The following CFAP46 variants were observed in gnomAD, a reference collection of about 807,000 sequenced individuals.
CFAP46 encodes the protein cilia and flagella associated protein 46, also known as cilia- and flagella-associated protein 46.
Under a neutral mutation model 325.7 loss-of-function variants are expected in CFAP46, and 245 were observed. That is an observed-to-expected ratio of 0.75 (90% CI 0.68 to 0.84). CFAP46 has a LOEUF of 0.84. Ranked by LOEUF, CFAP46 falls within the 40% of genes least tolerant of loss-of-function variation. CFAP46 has a pLI of 0.00. For missense variants in CFAP46, 3,346 were observed against 3,543.0 expected, an observed-to-expected ratio of 0.94 and a Z score of 1.41; for synonymous variants, 1,523 against 1,495.9, an observed-to-expected ratio of 1.02 and a Z score of -0.42.
chr10:132,823,155 G>GA (rs1847923703), intron 50 of CFAP46, among the ~76,000 whole-genome samples: 1 of 128,108 alleles, frequency 7.8e-6, no homozygotes, highest in African/African-American at 3.0e-5. Context: ...GATGTGTGCT[G>GA]TGTGAGTGAT....
chr10:132,885,043 G>T lies in CFAP46; in HGVS notation c.3627+60C>A, dbSNP rs997218916. On this transcript the variant is annotated intron_variant, in intron 27 of 57. Coordinates refer to ENST00000368586, the MANE Select transcript of CFAP46 (RefSeq NM_001200049.3). ...TCCCTGCTGAGCTTCTGTCCACACG[G>T]TTCTCCCTTTCACTAAAGGACAAAT... is the stretch of plus-strand genomic sequence containing the variant. 3.4e-6 allele frequency: 5 copies of T among 1,488,400 alleles called. No individual in the cohort carries two copies. The South Asian group carries it at 5.4e-5, about 16-fold the overall frequency. The allele number at this position is 1,488,400 out of a possible 1,614,324, so 92.2% of individuals were successfully genotyped here. A position where few individuals can be genotyped will look rare whatever the true frequency, so the allele number is the denominator to read the frequency against.
In CFAP46 at chr10:132,919,481, A is replaced by G; in HGVS notation, c.1731-39T>C. The G allele has an allele frequency of 6.6e-7, 1 of 1,522,438 alleles. No homozygotes were observed. Among genetic ancestry groups the G allele is most frequent in the Non-Finnish European group, 8.8e-7 (1 of 1,132,228 alleles). 94.3% of individuals were successfully genotyped at this position (1,522,438 alleles called of 1,614,324 possible). A position where few individuals can be genotyped will look rare whatever the true frequency, so the allele number is the denominator to read the frequency against. ...ACCCAAACGAGTGAAAGGTGAGTAG[A>G]CAAGTGTGGTTGCTGAAGTTAGAAA... On this transcript the variant is annotated intron_variant, in intron 14 of 57. Transcript: ENST00000368586. The surrounding 1 kb of genome is among the most constrained non-coding windows in gnomAD (Gnocchi z 9.7).
At chr10:132,881,091 G>A (rs141962261) in intron 27 of CFAP46, 59 bp from the exon 28 acceptor site, 16,583 of 1,433,848 alleles carry the variant, frequency 0.012, 200 homozygotes, top group Middle Eastern at 0.055. Flanking sequence ...CGTTCCTGAC[G>A]CAGTGGAATA....
chr10:132,825,125 G>A (rs1048171311), intron 50 of CFAP46, among the ~76,000 whole-genome samples: 1 of 143,942 alleles, frequency 6.9e-6, no homozygotes, highest in Non-Finnish European at 1.5e-5. Flanking sequence ...TGTGTGCACT[G>A]TGTGCTGTGT....
In CFAP46 at chr10:132,879,432, G is replaced by A. The variant is rs1314650425; in HGVS notation, c.3999C>T (p.Ile1333=). The A allele has an allele frequency of 2.0e-6, 3 of 1,519,844 alleles. No individual in the cohort carries two copies. The highest frequency in any genetic ancestry group is 2.1e-5 in the Admixed American group (1 of 48,504). The allele number at this position is 1,519,844 out of a possible 1,614,324, so 94.1% of individuals were successfully genotyped here. A position where few individuals can be genotyped will look rare whatever the true frequency, so the allele number is the denominator to read the frequency against. ...CLAAYAFFRH[I]WQVSLMTAGK... ...AGTCTGCGCTGGGCCTCACCTGCCA[G>A]ATGTGCCTGAAGAAGGCGTAGGCTG... is the stretch of plus-strand genomic sequence containing the variant. The change falls in exon 29 of 58, where the codon ATC becomes ATT. Residue 1333 remains isoleucine (I), a synonymous_variant. Transcript: ENST00000368586.
intron 22 of CFAP46, among the ~76,000 whole-genome samples, chr10:132,907,486 C>T (rs756842342): frequency 2.0e-5 from 3 of 152,176 alleles, no homozygotes; most frequent in Non-Finnish European, 4.4e-5. Context: ...GGAGAGTGAG[C>T]GAGGGACCCA....
At chr10:132,823,176 T>C (rs1455453881) in intron 50 of CFAP46, among the ~76,000 whole-genome samples, 1 of 85,722 alleles carries the variant, frequency 1.2e-5, no homozygotes, top group Non-Finnish European at 2.6e-5. Flanking sequence ...GTGTGCTGTC[T>C]GTGCGCTGTG....
chr10:132,909,078 G>C, intron 21 of CFAP46, 59 bp downstream of exon 21: 1 of 1,283,344 alleles, frequency 7.8e-7, no homozygotes, highest in South Asian at 1.3e-5. Flanking sequence ...CCTAGGGCAA[G>C]AGCCTCGGCG....
intron 50 of CFAP46, among the ~76,000 whole-genome samples, chr10:132,821,570 GCGC>G (rs1847830463): frequency 7.2e-6 from 1 of 138,454 alleles, no homozygotes; most frequent in African/African-American, 2.8e-5. Context: ...TGCTGTGTGT[GCGC>G]TGATGTGTGC....
In CFAP46 at chr10:132,817,277, G is replaced by A. The variant is rs1349321445; in HGVS notation, c.7118-2363C>T. On this transcript the variant is annotated intron_variant, in intron 50 of 57. Coordinates refer to ENST00000368586, the MANE Select transcript of CFAP46 (RefSeq NM_001200049.3). This position sits in a 1 kb window ranked among gnomAD's most constrained non-coding sequence, Gnocchi z 4.4. ...CTGTTTCCTCTGAGAGTCAGACACC[G>A]GCCCTCCGGGTTACTCTTAAATATT... Among the ~76,000 whole-genome samples, 4 of 152,266 alleles carry A rather than the reference G, an allele frequency of 2.6e-5. No individual in the cohort carries two copies. The highest frequency in any genetic ancestry group is 1.9e-4 in the East Asian group (1 of 5,180).
rs1848660638 is a variant in CFAP46 at position 132,857,594 on chromosome 10, T to C, written c.5570A>G (p.Gln1857Arg). ...GGAACCAGGACACCTGCTTACGTCT[T>C]GAAGTGACAATAGGCCCTGGACGCT... ...LHSVQGLLSL[Q>R]DLQNVNTPLM... Residue 1857 changes from glutamine to arginine, a missense_variant, in exon 39 of 58, where the codon CAA (glutamine) becomes CGA (arginine). Transcript: ENST00000368586. 8.1e-6 allele frequency: 13 copies of C among 1,613,182 alleles called. No individual in the cohort carries two copies. In the East Asian group the frequency reaches 2.9e-4, roughly 36 times the overall value.
Position 132,810,432 on chromosome 10 carries a change from C to G in CFAP46, c.7641G>C (p.Glu2547Asp), listed in dbSNP as rs770083307. 1 of 1,613,568 alleles carries G rather than the reference C, an allele frequency of 6.2e-7. No homozygotes were observed. ...WRNSASPSED[E>D]WRRGGEPRRG... Reference sequence around the variant, plus strand: ...ACCTTGGTTCACCGCCTCGTCGCCACTCATCTTCTGAAGGAGACGCACTGT... The same window carrying G: ...ACCTTGGTTCACCGCCTCGTCGCCAGTCATCTTCTGAAGGAGACGCACTGT... Residue 2547 changes from glutamate to aspartate, a missense_variant, in exon 57 of 58, where the codon GAG becomes GAC. Transcript: ENST00000368586.
At chr10:132,859,360 C>T (rs1056478813) in intron 37 of CFAP46, 113 bp from the exon 38 acceptor site, 42 of 843,820 alleles carry the variant, frequency 5.0e-5, no homozygotes, top group South Asian at 2.3e-4. Flanking sequence ...CTCGGAGAAA[C>T]GCTTTCGGAG....
intron 50 of CFAP46, among the ~76,000 whole-genome samples, chr10:132,824,056 T>TGA (rs1343929382): frequency 1.5e-5 from 2 of 130,136 alleles, no homozygotes; most frequent in African/African-American, 3.1e-5. Flanking sequence ...GTGTGCTGTG[T>TGA]GTGCTGATGT....
intron 7 of CFAP46, among the ~76,000 whole-genome samples, chr10:132,936,331 A>AGCC (rs2135727306): frequency 1.9e-5 from 1 of 52,838 alleles, no homozygotes; most frequent in Admixed American, 1.7e-4. Flanking sequence ...CACTCCCCTC[A>AGCC]CATCCAAACA....
chr10:132,924,107 C>T (rs1451799291), intron 11 of CFAP46, among the ~76,000 whole-genome samples: 1 of 152,102 alleles, frequency 6.6e-6, no homozygotes, highest in Non-Finnish European at 1.5e-5. Context: ...GATTCTCCAG[C>T]CACCCTGGGC....
chr10:132,837,708 C>G (rs1442944088), intron 44 of CFAP46, among the ~76,000 whole-genome samples: 1 of 147,274 alleles, frequency 6.8e-6, no homozygotes, highest in Non-Finnish European at 1.5e-5. Flanking sequence ...TGCACACACA[C>G]AGACATGCAC....
chr10:132,835,129 C>T (rs1848218624), intron 47 of CFAP46, among the ~76,000 whole-genome samples, 175 bp downstream of exon 47: 1 of 152,266 alleles, frequency 6.6e-6, no homozygotes, highest in African/African-American at 2.4e-5. Context: ...CAAGTTCTCC[C>T]CCCACATGGA....
At chr10:132,940,931 G>T in intron 4 of CFAP46, 65 bp downstream of exon 4, 1 of 1,500,470 alleles carries the variant, frequency 6.7e-7, no homozygotes, top group Non-Finnish European at 9.3e-7. Flanking sequence ...ACACCCACTT[G>T]ATAAGTTCTG....
Sources: gnomAD v4.1 joint callset for allele counts (sites outside exome capture counted in the v4.1 genomes callset) on GRCh38, gnomAD v4.1.1 for gene constraint, Gnocchi (gnomAD v3.1) non-coding constraint, MANE v1.5 for transcripts, NCBI Gene and HGNC (gene_info 2026-07-23, HGNC 2026-07-21) for gene names.